The following TTC23 variants were observed in gnomAD, a reference collection of about 807,000 sequenced individuals.
TTC23 encodes the protein tetratricopeptide repeat protein 23.
In TTC23, 58 loss-of-function variants were observed where a neutral mutation model predicts 55.1. The ratio of observed to expected loss-of-function variants is 1.05; its 90% CI spans 0.85 to 1.31. The LOEUF (loss-of-function observed/expected upper bound fraction) is 1.31. Among genes scored for constraint, TTC23 ranks in the 50% most tolerant of loss-of-function variants. The pLI, the probability that TTC23 is intolerant of heterozygous loss-of-function variation, is 0.00. For synonymous variants in TTC23, 203 were observed against 199.9 expected (o/e 1.02, Z -0.13); for missense variants, 516 against 534.4 (o/e 0.97, Z 0.34).
chr15:99,157,704 T>C (rs2070804764), intron 11 of TTC23: 1 of 152,248 alleles, frequency 6.6e-6, no homozygotes, highest in Non-Finnish European at 1.5e-5. Context: ...CATGACATTT[T>C]GTTTGGTTTA....
At chr15:99,209,900 A>G (rs1326674194) in intron 8 of TTC23, among the ~76,000 whole-genome samples, 2 of 151,958 alleles carry the variant, frequency 1.3e-5, no homozygotes, top group African/African-American at 2.4e-5. Context: ...ACGCCTGGCT[A>G]ATTTTTTGTA....
At chr15:99,225,253 T>A (rs1322318315) in intron 5 of TTC23, among the ~76,000 whole-genome samples, 2 of 152,218 alleles carry the variant, frequency 1.3e-5, no homozygotes, top group Admixed American at 6.5e-5. Context: ...AATATCCCTA[T>A]TGGTTTTCCA....
At chr15:99,163,856 G>T (rs761994167) in intron 10 of TTC23, among the ~76,000 whole-genome samples, 4 of 152,188 alleles carry the variant, frequency 2.6e-5, no homozygotes, top group Non-Finnish European at 4.4e-5. Context: ...CTTGATCTGG[G>T]ACTTTCCAGA....
At position 99,228,617 on chromosome 15, in the gene TTC23, C is replaced by T; in HGVS notation, c.96G>A (p.Leu32=). Residue 32 remains leucine, a synonymous_variant, in exon 5 of 14, where the codon CTG becomes CTA. Transcript: ENST00000394132. ...ITHRKKFQNK[L]LQTALFQPPR... ...GAGGCTGGAATAGTGCTGTCTGAAGCAGCTTGTTTTGGAACTTCTTTCTAT... is the reference window on the plus strand; with the variant it reads ...GAGGCTGGAATAGTGCTGTCTGAAGTAGCTTGTTTTGGAACTTCTTTCTAT... The T allele has an allele frequency of 6.2e-7, 1 of 1,614,012 alleles. No homozygotes were observed. The highest frequency in any genetic ancestry group is 8.5e-7 in the Non-Finnish European group (1 of 1,179,930).
chr15:99,221,482 T>C (rs1340170649), intron 6 of TTC23, among the ~76,000 whole-genome samples: 5 of 152,174 alleles, frequency 3.3e-5, no homozygotes, highest in Non-Finnish European at 7.3e-5. Context: ...AATTTTCTCC[T>C]AAGAACCTTA....
chr15:99,250,740 C>G (rs1157354179), upstream of TTC23, among the ~76,000 whole-genome samples: 4 of 152,196 alleles, frequency 2.6e-5, no homozygotes, highest in African/African-American at 9.7e-5. Flanking sequence ...ATTTAACTCT[C>G]TAAATTGTTC....
chr15:99,163,015 T>C (rs2071582060), intron 10 of TTC23, among the ~76,000 whole-genome samples: 1 of 152,042 alleles, frequency 6.6e-6, no homozygotes, highest in Non-Finnish European at 1.5e-5. Flanking sequence ...CCCAGGAGGT[T>C]GAGGCTTCAG....
At chr15:99,150,650 T>C (rs2069593649) in intron 12 of TTC23, among the ~76,000 whole-genome samples, 1 of 152,244 alleles carries the variant, frequency 6.6e-6, no homozygotes, top group African/African-American at 2.4e-5. Flanking sequence ...TTCACTTACT[T>C]GAAGTTCAAA....
At chr15:99,212,980 A>C (rs1365268184) in intron 8 of TTC23, among the ~76,000 whole-genome samples, 2 of 98,816 alleles carry the variant, frequency 2.0e-5, no homozygotes, top group Non-Finnish European at 4.0e-5. Flanking sequence ...GTAAGACCCT[A>C]TCTCAAAAAA....
At chr15:99,160,046 G>A (rs1345833496) in intron 11 of TTC23, 1 of 152,226 alleles carries the variant, frequency 6.6e-6, no homozygotes, top group Non-Finnish European at 1.5e-5. Context: ...AGAGATGTGA[G>A]GGGGGAATGG....
At chr15:99,160,353 C>T (rs147341368) in intron 11 of TTC23, 69 of 151,852 alleles carry the variant, frequency 4.5e-4, no homozygotes, top group Middle Eastern at 3.4e-3. Context: ...CATAGTCAGC[C>T]CTCCATATCC....
chr15:99,158,872 C>T (rs2070976861), intron 11 of TTC23: 1 of 152,334 alleles, frequency 6.6e-6, no homozygotes, highest in Non-Finnish European at 1.5e-5. Context: ...AGGTTTGCAA[C>T]CAAATGGTGA....
At chr15:99,197,390 C>T (rs1157932172) in intron 9 of TTC23, among the ~76,000 whole-genome samples, 2 of 152,106 alleles carry the variant, frequency 1.3e-5, no homozygotes, top group African/African-American at 2.4e-5. Flanking sequence ...GTGTGAGCCA[C>T]CACGCCCGGC....
At chr15:99,218,516 T>A in intron 8 of TTC23, 72 bp downstream of exon 8, 1 of 1,597,800 alleles carries the variant, frequency 6.3e-7, no homozygotes, top group Non-Finnish European at 8.5e-7. Context: ...ATGCTCCTCC[T>A]ACCTGAGACA....
At chr15:99,183,668 A>G (rs2074386888) in intron 9 of TTC23, among the ~76,000 whole-genome samples, 1 of 152,114 alleles carries the variant, frequency 6.6e-6, no homozygotes, top group East Asian at 1.9e-4. Flanking sequence ...GCAGCCGAGC[A>G]TTCAAGAAGT....
intron 5 of TTC23, among the ~76,000 whole-genome samples, chr15:99,227,457 C>T (rs2078548396): frequency 1.3e-5 from 2 of 152,190 alleles, no homozygotes; most frequent in Non-Finnish European, 2.9e-5. Context: ...CAAATATCCT[C>T]CTAACTGATG....
chr15:99,207,479 C>A (rs1043616132), intron 8 of TTC23, among the ~76,000 whole-genome samples: 1 of 152,130 alleles, frequency 6.6e-6, no homozygotes, highest in African/African-American at 2.4e-5. Flanking sequence ...ACCATAAGGG[C>A]CAGGTGCGGT....
intron 9 of TTC23, among the ~76,000 whole-genome samples, chr15:99,199,404 CAAA>C (rs35189767): frequency 8.6e-5 from 5 of 58,192 alleles, no homozygotes; most frequent in African/African-American, 1.2e-4. Flanking sequence ...CCTGTCTCTC[CAAA>C]AAAAAAAAAA....
At chr15:99,146,376 G>A (rs1300967064) in intron 12 of TTC23, among the ~76,000 whole-genome samples, 1 of 152,168 alleles carries the variant, frequency 6.6e-6, no homozygotes, top group Non-Finnish European at 1.5e-5. Context: ...TCAGCGATCT[G>A]GTTTAGTCCT....
Sources: allele counts gnomAD v4.1 joint callset (sites outside exome capture counted in the v4.1 genomes callset), GRCh38; gene constraint gnomAD v4.1.1; transcripts MANE v1.5; gene names NCBI Gene and HGNC (gene_info 2026-07-23, HGNC 2026-07-21).